The following HCK variants were observed in gnomAD, a reference collection of about 807,000 sequenced individuals.
HCK encodes tyrosine-protein kinase HCK.
HCK carries 40 observed loss-of-function variants against 70.4 expected under a neutral mutation model. That is an observed-to-expected ratio of 0.57 (90% CI 0.44 to 0.74). The LOEUF is 0.74. Among genes scored for constraint, HCK ranks in the 30% least tolerant of loss-of-function variants. HCK has a pLI of 0.00. For synonymous variants in HCK, 245 were observed against 263.2 expected, an observed-to-expected ratio of 0.93 and a Z score of 0.67; for missense variants, 568 against 697.2, an observed-to-expected ratio of 0.81 and a Z score of 2.09.
chr20:32,084,807 TC>T (rs1406854103), intron 8 of HCK, among the ~76,000 whole-genome samples: 1 of 152,222 alleles, frequency 6.6e-6, no homozygotes, highest in Non-Finnish European at 1.5e-5. Flanking sequence ...AATCCCTCCC[TC>T]ATACGGAGTG....
At position 32,084,380 on chromosome 20, in the gene HCK, C is replaced by A. The variant is rs761837983; in HGVS notation, c.683-11C>A. 1 of 1,608,428 alleles carries A rather than the reference C, an allele frequency of 6.2e-7. No homozygotes were observed. Among genetic ancestry groups the A allele is most frequent in the African/African-American group, 1.3e-5 (1 of 74,854 alleles). ...CTTGTTGCTCTCAATTGACCAGGGA[C>A]TCTGTTCCAGAGGGGAACGACGGGC... On this transcript the variant is annotated splice_polypyrimidine_tract_variant and intron_variant, in intron 7 of 12. Coordinates refer to ENST00000375852, the MANE Select transcript of HCK (RefSeq NM_002110.5).
At position 32,052,796 on chromosome 20, in the gene HCK, GATTTTTTTTT is replaced by G. The variant is rs1466888001; in HGVS notation, c.62+311_62+320del. ...GTTCCCCTTCTTGGGGGGGGGCGGG[GATTTTTTTTT>G]TAATTTAAAAAAGAAAAAGAAGGAA... On this transcript the variant is annotated intron_variant, in intron 1 of 12. Transcript: ENST00000375852. 6.6e-4 allele frequency among the ~76,000 whole-genome samples: 73 copies of G among 110,866 alleles called. 1 individual carries two copies. Among genetic ancestry groups the G allele is most frequent in the African/African-American group, 7.8e-4 (14 of 17,962 alleles). The allele number at this position is 110,866 out of a possible 152,430, so 72.7% of individuals were successfully genotyped here. A position where few individuals can be genotyped will look rare whatever the true frequency, so the allele number is the denominator to read the frequency against.
rs1281088035 is a variant in HCK at position 32,079,895 on chromosome 20, C to A, written c.532+18C>A. ...CACTAAAGGTGACACCAGCCCTCCCCACCTTGTCCTCCCTGCCGAGGTGCC... is the reference window on the plus strand; with the variant it reads ...CACTAAAGGTGACACCAGCCCTCCCAACCTTGTCCTCCCTGCCGAGGTGCC... On this transcript the variant is annotated intron_variant, in intron 6 of 12. Coordinates refer to ENST00000375852, the MANE Select transcript of HCK (RefSeq NM_002110.5). 5 of 1,553,976 alleles carry A rather than the reference C, an allele frequency of 3.2e-6. No homozygotes were observed. Among genetic ancestry groups the A allele is most frequent in the Non-Finnish European group, 4.4e-6 (5 of 1,126,244 alleles).
intron 1 of HCK, among the ~76,000 whole-genome samples, chr20:32,058,074 A>G (rs1208289126): frequency 1.3e-5 from 2 of 152,150 alleles, no homozygotes; most frequent in African/African-American, 2.4e-5. Flanking sequence ...AGTGCAGCCA[A>G]GAGAACAGGA....
At position 32,074,654 on chromosome 20, in the gene HCK, G is replaced by A; in HGVS notation, c.361G>A (p.Ala121Thr). The change falls in exon 5 of 13, where the codon GCC becomes ACC. Residue 121 changes from alanine to threonine, a missense_variant. By Grantham distance (58) the Ala-to-Thr change is moderately conservative (BLOSUM62 0). Around this residue, in one of 4 missense-constraint regions of HCK, gnomAD observed 318 missense variants for 336.0 expected, o/e 0.95. Transcript: ENST00000375852. Reference sequence around the variant, plus strand: ...GGAGTGGTGGAAGGCTCGATCCCTGGCCACCCGGAAGGAGGGCTACATCCC... The same window carrying A: ...GGAGTGGTGGAAGGCTCGATCCCTGACCACCCGGAAGGAGGGCTACATCCC... 1 of 1,613,984 alleles carries A rather than the reference G, an allele frequency of 6.2e-7. No homozygotes were observed. Among genetic ancestry groups the A allele is most frequent in the Non-Finnish European group, 8.5e-7 (1 of 1,179,876 alleles).
At chr20:32,061,195 G>T (rs955748350) in intron 1 of HCK, among the ~76,000 whole-genome samples, 1 of 152,156 alleles carries the variant, frequency 6.6e-6, no homozygotes, top group African/African-American at 2.4e-5. Context: ...TGTTGGCCAG[G>T]CTGGTCTTGA....
At chr20:32,096,149 C>T (rs1332750773) in intron 11 of HCK, among the ~76,000 whole-genome samples, 1 of 151,908 alleles carries the variant, frequency 6.6e-6, no homozygotes, top group Non-Finnish European at 1.5e-5. Context: ...CTGGGCCTCC[C>T]GAAGTGCTGG....
At chr20:32,089,536 T>C (rs554850965) in intron 10 of HCK, among the ~76,000 whole-genome samples, 1 of 152,336 alleles carries the variant, frequency 6.6e-6, no homozygotes, top group South Asian at 2.1e-4. Context: ...ATGACCCAAG[T>C]GGTCCTGGCT....
chr20:32,061,783 AG>A (rs756922460), intron 1 of HCK, among the ~76,000 whole-genome samples: 10 of 152,146 alleles, frequency 6.6e-5, no homozygotes, highest in Non-Finnish European at 1.5e-4. Context: ...GGAATGATCA[AG>A]GGAGAGTTAG....
At chr20:32,067,776 C>T (rs962246721) in intron 1 of HCK, among the ~76,000 whole-genome samples, 3 of 151,794 alleles carry the variant, frequency 2.0e-5, no homozygotes, top group East Asian at 3.9e-4. Flanking sequence ...GAGCCACAGA[C>T]GGCTGTTGAG....
chr20:32,077,588 G>A (rs1249084235), intron 5 of HCK, among the ~76,000 whole-genome samples: 3 of 152,176 alleles, frequency 2.0e-5, no homozygotes, highest in Admixed American at 6.5e-5. Flanking sequence ...GTGCAATGGT[G>A]TGATCTCGGC....
At chr20:32,058,605 AACAC>A (rs60349531) in intron 1 of HCK, among the ~76,000 whole-genome samples, 3,964 of 142,378 alleles carry the variant, frequency 0.028, 101 homozygotes, top group African/African-American at 0.068. Context: ...TTTATGTCAA[AACAC>A]ACACACACAC....
chr20:32,055,105 G>A (rs2045250405), intron 1 of HCK, among the ~76,000 whole-genome samples: 2 of 152,210 alleles, frequency 1.3e-5, no homozygotes, highest in African/African-American at 2.4e-5. Flanking sequence ...TTCGGCCCAT[G>A]TACAGGTGGT....
At chr20:32,091,591 G>C (rs1378782816) in intron 10 of HCK, among the ~76,000 whole-genome samples, 2 of 152,096 alleles carry the variant, frequency 1.3e-5, no homozygotes, top group Non-Finnish European at 1.5e-5. Context: ...CCAAGATGCT[G>C]TCTCACTCCA....
intron 5 of HCK, 41 bp from the exon 6 acceptor site, chr20:32,079,733 A>T (rs1430947540): frequency 7.1e-7 from 1 of 1,414,622 alleles, no homozygotes; most frequent in South Asian, 1.2e-5. Context: ...ACAGGACTGC[A>T]TGACCCCAGG....
At chr20:32,057,608 A>C (rs2122457030) in intron 1 of HCK, among the ~76,000 whole-genome samples, 1 of 152,346 alleles carries the variant, frequency 6.6e-6, no homozygotes, top group Admixed American at 6.5e-5. Flanking sequence ...TCATAAAAAG[A>C]AAAGAAAAGG....
intron 1 of HCK, among the ~76,000 whole-genome samples, chr20:32,052,781 T>C (rs551023717): frequency 1.0e-3 from 114 of 114,398 alleles, no homozygotes; most frequent in African/African-American, 5.4e-3. Flanking sequence ...GTTCCCCTTC[T>C]TGGGGGGGGG....
chr20:32,052,928 G>A (rs1194725263), intron 1 of HCK, among the ~76,000 whole-genome samples: 3 of 152,106 alleles, frequency 2.0e-5, no homozygotes, highest in African/African-American at 4.8e-5. Context: ...GGGGAAGGGG[G>A]TAGTTGGGCG....
At chr20:32,063,444 C>T (rs1254553970) in intron 1 of HCK, among the ~76,000 whole-genome samples, 2 of 151,958 alleles carry the variant, frequency 1.3e-5, no homozygotes, top group African/African-American at 2.4e-5. Flanking sequence ...GACAGGGTCT[C>T]GATATGTTGT....
Sources: allele counts gnomAD v4.1 joint callset (sites outside exome capture counted in the v4.1 genomes callset), GRCh38; gene constraint gnomAD v4.1.1; regional missense constraint gnomAD v4.1.1; transcripts MANE v1.5; gene names NCBI Gene and HGNC (gene_info 2026-07-23, HGNC 2026-07-21).